CD1B: variants seen among roughly 807,000 people sequenced by gnomAD.
CD1B encodes the protein T-cell surface glycoprotein CD1b.
In CD1B, 43 loss-of-function variants were observed where a neutral mutation model predicts 39.8. The ratio of observed to expected loss-of-function variants is 1.08; its 90% CI spans 0.85 to 1.39. The LOEUF (loss-of-function observed/expected upper bound fraction) is 1.39, where lower values mean the gene tolerates loss of function less well. CD1B is among the 40% of genes most tolerant of loss of function. CD1B has a pLI of 0.00. For synonymous variants in CD1B, 192 were observed against 152.5 expected, an observed-to-expected ratio of 1.26 and a Z score of -1.91; for missense variants, 495 against 403.8, an observed-to-expected ratio of 1.23 and a Z score of -1.94.
At chr1:158,314,873 T>C in the CD1B span, among the ~76,000 whole-genome samples, 1 of 147,552 alleles carries the variant, frequency 6.8e-6, no homozygotes, top group East Asian at 2.1e-4. Context: ...GATCTCTTTG[T>C]TCAATTCCCA....
chr1:158,285,477 T>C, the CD1B span, among the ~76,000 whole-genome samples: 2 of 152,102 alleles, frequency 1.3e-5, no homozygotes, highest in Non-Finnish European at 2.9e-5. Context: ...TTAGGTAGAA[T>C]TGGTGATAAG....
At chr1:158,310,651 G>C in the CD1B span, among the ~76,000 whole-genome samples, 1 of 152,038 alleles carries the variant, frequency 6.6e-6, no homozygotes, top group African/African-American at 2.4e-5. Context: ...AATAGGCAAA[G>C]AATATCAACA....
chr1:158,292,361 G>A, the CD1B span: 1 of 1,612,468 alleles, frequency 6.2e-7, no homozygotes, highest in Non-Finnish European at 8.5e-7. Flanking sequence ...ATGTACACAG[G>A]CAAGGTCAGT....
At chr1:158,299,337 A>G in the CD1B span, among the ~76,000 whole-genome samples, 3 of 152,126 alleles carry the variant, frequency 2.0e-5, no homozygotes, top group African/African-American at 7.2e-5. Flanking sequence ...GCATATGTTG[A>G]ACCAGCCTTG....
intron 2 of CD1B, 78 bp from the exon 3 acceptor site, chr1:158,330,208 G>T: frequency 2.3e-6 from 3 of 1,332,032 alleles, no homozygotes; most frequent in Non-Finnish European, 3.1e-6. Flanking sequence ...TAGGATTTTA[G>T]ATTTTGGTGG....
At position 158,328,920 on chromosome 1, in the gene CD1B, C is replaced by T. The variant is rs1557821023; in HGVS notation, c.980+1G>A. The stretch of plus-strand genomic sequence containing the variant: ...AAAAAACAACACCACCCACAACTCA[C>T]CGGCGCCTCATATACCATAATGCAA... On this transcript the variant is annotated splice_donor_variant, in intron 5 of 5. Coordinates refer to ENST00000368168, the MANE Select transcript of CD1B (RefSeq NM_001764.3). LOFTEE classifies it high-confidence loss of function. The T allele has an allele frequency of 6.3e-7, 1 of 1,596,626 alleles. No individual in the cohort carries two copies. The highest frequency in any genetic ancestry group is 2.2e-5 in the East Asian group (1 of 44,720).
At chr1:158,317,061 A>G in the CD1B span, among the ~76,000 whole-genome samples, 3 of 151,928 alleles carry the variant, frequency 2.0e-5, no homozygotes, top group Non-Finnish European at 4.4e-5. Context: ...TTGGTTTGGC[A>G]GTATTTTATT....
At chr1:158,330,565 T>A (rs1652557424) in intron 2 of CD1B, 1 of 690,606 alleles carries the variant, frequency 1.4e-6, no homozygotes. Context: ...AGCAGCTGGT[T>A]ACAAAGTGGA....
the CD1B span, among the ~76,000 whole-genome samples, chr1:158,298,642 G>C: frequency 1.3e-5 from 2 of 152,028 alleles, no homozygotes; most frequent in African/African-American, 2.4e-5. Context: ...TCTTCCTATC[G>C]ATGAGCATGG....
the CD1B span, among the ~76,000 whole-genome samples, chr1:158,322,253 T>A: frequency 6.6e-6 from 1 of 152,192 alleles, no homozygotes; most frequent in South Asian, 2.1e-4. Context: ...TTCATTTATT[T>A]AAAGGCAGGG....
intron 5 of CD1B, 60 bp downstream of exon 5, chr1:158,328,861 A>G: frequency 2.6e-6 from 3 of 1,153,704 alleles, no homozygotes; most frequent in Non-Finnish European, 3.7e-6. Context: ...GGTAAAAAAC[A>G]GTGGAAGGGT....
the CD1B span, among the ~76,000 whole-genome samples, chr1:158,322,798 T>C: frequency 5.3e-5 from 8 of 152,344 alleles, no homozygotes; most frequent in Middle Eastern, 6.8e-3. Context: ...ATTCTTTTTC[T>C]TTCAGCATTC....
the CD1B span, among the ~76,000 whole-genome samples, chr1:158,317,118 A>T: frequency 0.019 from 2,948 of 152,042 alleles, 109 homozygotes; most frequent in African/African-American, 0.067. Flanking sequence ...TTGGTCTAAA[A>T]TTCTCTTTTT....
chr1:158,330,145 A>AAG lies in CD1B; in HGVS notation c.329-17_329-16dup. 1 of 1,573,224 alleles carries AAG rather than the reference A, an allele frequency of 6.4e-7. No homozygotes were observed. Among genetic ancestry groups the AAG allele is most frequent in the Non-Finnish European group, 8.6e-7 (1 of 1,164,702 alleles). ...CTCAAAGGGGTCTATGTAGAGGGAA[A>AAG]AGAGAGCAAGTTATTAAACACAAAT... On this transcript the variant is annotated splice_polypyrimidine_tract_variant and intron_variant, in intron 2 of 5. Coordinates refer to ENST00000368168, the MANE Select transcript of CD1B (RefSeq NM_001764.3).
At chr1:158,301,414 A>C in the CD1B span, among the ~76,000 whole-genome samples, 126 of 152,000 alleles carry the variant, frequency 8.3e-4, no homozygotes, top group African/African-American at 2.9e-3. Flanking sequence ...ATGTTTTTGG[A>C]GTGTCTGGTA....
chr1:158,300,784 A>G, the CD1B span, among the ~76,000 whole-genome samples: 38 of 140,298 alleles, frequency 2.7e-4, no homozygotes, highest in African/African-American at 1.0e-3. Context: ...TTTGAGACAG[A>G]GTCTCACTCT....
chr1:158,326,850 G>T (rs933235518), downstream of CD1B, among the ~76,000 whole-genome samples: 1 of 152,102 alleles, frequency 6.6e-6, no homozygotes, highest in South Asian at 2.1e-4. Flanking sequence ...AGGCTGGAGT[G>T]CAGTGGCACA....
chr1:158,290,189 G>A, the CD1B span: 50 of 1,422,232 alleles, frequency 3.5e-5, no homozygotes, highest in Non-Finnish European at 4.7e-5. Context: ...GGGCTTTCCC[G>A]AGATGGATCA....
At chr1:158,285,708 G>T in the CD1B span, among the ~76,000 whole-genome samples, 1 of 152,180 alleles carries the variant, frequency 6.6e-6, no homozygotes, top group African/African-American at 2.4e-5. Context: ...TGGGGAATTA[G>T]TGCTTCTAGT....
Sources: gnomAD v4.1 joint callset for allele counts (sites outside exome capture counted in the v4.1 genomes callset) on GRCh38, gnomAD v4.1.1 for gene constraint, MANE v1.5 for transcripts, NCBI Gene and HGNC (gene_info 2026-07-23, HGNC 2026-07-21) for gene names.